PRL: variants seen among roughly 807,000 people sequenced by gnomAD.
PRL encodes the protein decidual prolactin.
A neutral mutation model predicts 21.3 loss-of-function variants in PRL; 24 were observed. The observed-to-expected ratio is 1.13, with a 90% CI of 0.82 to 1.59. PRL has a LOEUF of 1.59. Among genes scored for constraint, PRL ranks in the 40% most tolerant of loss-of-function variants. PRL has a pLI of 0.00. For synonymous variants in PRL, 118 were observed against 115.7 expected (o/e 1.02, Z -0.13); for missense variants, 243 against 286.9 (o/e 0.85, Z 1.10).
upstream of PRL, among the ~76,000 whole-genome samples, chr6:22,302,323 A>G (rs1761296623): frequency 1.2e-5 from 1 of 85,590 alleles, no homozygotes; most frequent in African/African-American, 4.0e-5. Context: ...TTAACAGAAA[A>G]TAGAAAAAAA....
rs777784038 is a variant in PRL, at chr6:22,287,336, A to G, written c.*66T>C. ...GCATGGATTCAAAAGAGATACAACTAAAAGAAGCTTGCAATGGAACGGATC... is the reference window on the plus strand; with the variant it reads ...GCATGGATTCAAAAGAGATACAACTGAAAGAAGCTTGCAATGGAACGGATC... On this transcript the variant is annotated 3_prime_UTR_variant, in exon 5 of 5. Transcript: ENST00000306482. The G allele has an allele frequency of 6.9e-7, 1 of 1,455,516 alleles. No individual in the cohort carries two copies. The highest frequency in any genetic ancestry group is 1.4e-5 in the African/African-American group (1 of 71,346). 90.2% of individuals were successfully genotyped at this position (1,455,516 alleles called of 1,614,324 possible).
chr6:22,293,548 A>G (rs1390689902), intron 2 of PRL, among the ~76,000 whole-genome samples: 2 of 151,456 alleles, frequency 1.3e-5, no homozygotes, highest in Non-Finnish European at 2.9e-5. Flanking sequence ...ATTCAGAAAT[A>G]GAGTACATAT....
At chr6:22,301,901 T>A (rs1333365406), upstream of PRL, among the ~76,000 whole-genome samples, 1 of 152,146 alleles carries the variant, frequency 6.6e-6, no homozygotes, top group Non-Finnish European at 1.5e-5. Flanking sequence ...TGCTCTGATG[T>A]CCAACAGTAA....
chr6:22,297,495 T>A (rs1382942133), upstream of PRL: 2 of 153,034 alleles, frequency 1.3e-5, no homozygotes, highest in Admixed American at 1.3e-4. Context: ...AGATATAGAA[T>A]AAGGATTGAG....
At chr6:22,289,678 T>C (rs1002324928) in intron 4 of PRL, among the ~76,000 whole-genome samples, 2 of 152,168 alleles carry the variant, frequency 1.3e-5, no homozygotes, top group Non-Finnish European at 2.9e-5. Flanking sequence ...GTCATTGTCT[T>C]GTCATGTTAA....
At chr6:22,302,252 C>T (rs992481111), upstream of PRL, among the ~76,000 whole-genome samples, 2 of 150,920 alleles carry the variant, frequency 1.3e-5, no homozygotes, top group Non-Finnish European at 3.0e-5. Flanking sequence ...TTTAAGTTGT[C>T]AGAAAAAGAA....
chr6:22,291,645 T>C (rs1202073161), intron 3 of PRL, among the ~76,000 whole-genome samples: 1 of 152,186 alleles, frequency 6.6e-6, no homozygotes, highest in African/African-American at 2.4e-5. Flanking sequence ...AAATATTTCC[T>C]CTTCCTCCTC....
At chr6:22,297,236 G>A (rs541861844), upstream of PRL, 314 of 516,396 alleles carry the variant, frequency 6.1e-4, 3 homozygotes, top group South Asian at 6.6e-3. Context: ...TTCTAGGAAG[G>A]ATTTTGATTA....
chr6:22,292,095 G>A (rs1407266208), intron 3 of PRL, among the ~76,000 whole-genome samples: 1 of 152,172 alleles, frequency 6.6e-6, no homozygotes, highest in South Asian at 2.1e-4. Context: ...AGTCTTGAAA[G>A]TCCAGAACAG....
chr6:22,289,291 A>G (rs1304115464), intron 4 of PRL, among the ~76,000 whole-genome samples: 1 of 152,198 alleles, frequency 6.6e-6, no homozygotes, highest in East Asian at 1.9e-4. Flanking sequence ...TAGTACACAA[A>G]AAGAGAAATA....
Position 22,294,689 on chromosome 6 carries a change from T to A in PRL, c.29-105A>T. 4 of 1,251,686 alleles carry A rather than the reference T, an allele frequency of 3.2e-6. No homozygotes were observed. In the South Asian group the frequency reaches 4.8e-5, roughly 15 times the overall value. The allele number at this position is 1,251,686 out of a possible 1,614,324, so 77.5% of individuals were successfully genotyped here. On this transcript the variant is annotated intron_variant, in intron 1 of 4. Transcript: ENST00000306482. ...CTTATTGCTCCCCACTGCCCTCAGC[T>A]GCCTGATTTGCTACTGTAATGGCTG...
intron 3 of PRL, chr6:22,291,077 C>T (rs1275955605): frequency 6.6e-6 from 1 of 152,134 alleles, no homozygotes; most frequent in East Asian, 1.9e-4. Flanking sequence ...CTACCACGAT[C>T]GTGTAGGAGA....
upstream of PRL, among the ~76,000 whole-genome samples, chr6:22,301,359 A>T (rs181465980): frequency 6.6e-6 from 1 of 152,216 alleles, no homozygotes; most frequent in South Asian, 2.1e-4. Context: ...TAGAACAGAA[A>T]GCTATAGCGA....
In PRL at chr6:22,288,903, CGCGCGCGTGTGTGT is replaced by C. The variant is rs991772867; in HGVS notation, c.492+1257_492+1270del. Reference sequence around the variant, plus strand: ...GCGTGCGCGTGTGTGTGCGTGTGTGCGCGCGCGTGTGTGTGCGTGCGCGTGTGTGTGCATGTGTG... The same window carrying C: ...GCGTGCGCGTGTGTGTGCGTGTGTGCGCGTGCGCGTGTGTGTGCATGTGTG... On this transcript the variant is annotated intron_variant, in intron 4 of 4. Transcript: ENST00000306482. The surrounding 1 kb of genome is among the most constrained non-coding windows in gnomAD (Gnocchi z 4.5). Among the ~76,000 whole-genome samples the C allele has an allele frequency of 6.1e-4, 90 of 148,546 alleles. 1 individual carries two copies. Among genetic ancestry groups the C allele is most frequent in the African/African-American group, 2.2e-3 (85 of 39,338 alleles).
At position 22,292,737 on chromosome 6, in the gene PRL, G is replaced by A. The variant is rs553791612; in HGVS notation, c.205-92C>T. 4.9e-5 allele frequency: 50 copies of A among 1,029,216 alleles called. 2 individuals are homozygous for A. In the South Asian group the frequency reaches 8.7e-4, roughly 18 times the overall value. 63.8% of individuals were successfully genotyped at this position (1,029,216 alleles called of 1,614,324 possible). ...CAGAATACTAATACCTTTGGCAGATGTGTAATTTTAAAAAATTAGAGCTAC... is the reference window on the plus strand; with the variant it reads ...CAGAATACTAATACCTTTGGCAGATATGTAATTTTAAAAAATTAGAGCTAC... On this transcript the variant is annotated intron_variant, in intron 2 of 4. Coordinates refer to ENST00000306482, the MANE Select transcript of PRL (RefSeq NM_000948.6).
chr6:22,292,572 G>A lies in PRL; in HGVS notation c.278C>T (p.Thr93Ile), dbSNP rs1180243833. 6.2e-7 allele frequency: 1 copy of A among 1,614,110 alleles called. No individual in the cohort carries two copies. The highest frequency in any genetic ancestry group is 8.5e-7 in the Non-Finnish European group (1 of 1,180,008). The change falls in exon 3 of 5, where the codon ACC becomes ATC. Residue 93 changes from threonine (T) to isoleucine (I), a missense_variant. Physicochemically the swap from Thr to Ile is moderately conservative, Grantham distance 89 (BLOSUM62 -1). Transcript: ENST00000306482. The stretch of plus-strand genomic sequence containing the variant: ...TTGGGCTTGCTCCTTGTCTTCGGGG[G>A]TGGCAAGGGAAGAAGTGTGGCAGCT... ...INSCHTSSLA[T>I]PEDKEQAQQM...
Position 22,294,442 on chromosome 6 carries a change from G to A in PRL, c.171C>T (p.Ile57=), listed in dbSNP as rs772863128. 3.7e-6 allele frequency: 6 copies of A among 1,614,184 alleles called. No homozygotes were observed. Among genetic ancestry groups the A allele is most frequent in the Non-Finnish European group, 5.1e-6 (6 of 1,180,032 alleles). ...TGAACATTTCTGAGGAGAGGTTATG[G>A]ATGTAGTGGGACAGGACGACGGCGC... ...FDRAVVLSHY[I]HNLSSEMFSE... is the part of the protein sequence containing the mutation. Residue 57 remains isoleucine, a synonymous_variant, in exon 2 of 5, where the codon ATC becomes ATT. Transcript: ENST00000306482.
At position 22,292,588 on chromosome 6, in the gene PRL, T is replaced by A; in HGVS notation, c.262A>T (p.Thr88Ser). The A allele has an allele frequency of 5.0e-6, 8 of 1,614,054 alleles. No homozygotes were observed. Among genetic ancestry groups the A allele is most frequent in the Non-Finnish European group, 6.8e-6 (8 of 1,180,016 alleles). Reference protein sequence around the residue: ...FITKAINSCHTSSLATPEDKE... With the variant: ...FITKAINSCHSSSLATPEDKE... ...TCTTCGGGGGTGGCAAGGGAAGAAG[T>A]GTGGCAGCTGTTGATGGCCTTGGTA... The change falls in exon 3 of 5, where the codon ACT becomes TCT. Residue 88 changes from threonine to serine, a missense_variant. Thr to Ser is a moderately conservative substitution (Grantham distance 58). Coordinates refer to ENST00000306482, the MANE Select transcript of PRL (RefSeq NM_000948.6).
At chr6:22,292,426 A>G (rs1389417679) in intron 3 of PRL, 112 bp downstream of exon 3, 3 of 979,870 alleles carry the variant, frequency 3.1e-6, no homozygotes, top group East Asian at 2.6e-5. Flanking sequence ...TATTCTTCCT[A>G]TATTTTTCTC....
Sources: allele counts gnomAD v4.1 joint callset (sites outside exome capture counted in the v4.1 genomes callset), GRCh38; gene constraint gnomAD v4.1.1; non-coding constraint Gnocchi (gnomAD v3.1); transcripts MANE v1.5; gene names NCBI Gene and HGNC (gene_info 2026-07-23, HGNC 2026-07-21).